CD109: variants seen among roughly 807,000 people sequenced by gnomAD.
CD109 encodes the protein CD109 antigen.
In CD109, 149 loss-of-function variants were observed where a neutral mutation model predicts 165.8. That is an observed-to-expected ratio of 0.90 (90% confidence interval 0.79 to 1.03). The LOEUF is 1.03. Ranked by LOEUF, CD109 falls within the 50% of genes least tolerant of loss-of-function variation. The probability of loss-of-function intolerance (pLI) is 0.00; values close to 1 mark genes in which losing one functional copy is unlikely to be tolerated. For missense variants in CD109, 1,712 were observed against 1,677.8 expected (o/e 1.02, Z -0.36); for synonymous variants, 585 against 592.1 (o/e 0.99, Z 0.18).
At chr6:73,719,544 A>G (rs1412585297) in intron 2 of CD109, among the ~76,000 whole-genome samples, 2 of 152,170 alleles carry the variant, frequency 1.3e-5, no homozygotes, top group Non-Finnish European at 2.9e-5. Flanking sequence ...TTCTTGTTGT[A>G]TTCAGTAGGT....
intron 11 of CD109, 137 bp downstream of exon 11, chr6:73,766,291 G>C (rs2150229345): frequency 1.4e-6 from 1 of 703,494 alleles, no homozygotes; most frequent in Non-Finnish European, 2.3e-6. Context: ...ATGGAGGAGA[G>C]TGGTAAAAGT....
At chr6:73,791,477 ACG>A (rs1774964973) in intron 22 of CD109, among the ~76,000 whole-genome samples, 1 of 151,768 alleles carries the variant, frequency 6.6e-6, no homozygotes, top group African/African-American at 2.4e-5. Flanking sequence ...ACACACACAC[ACG>A]CACACATATA....
Position 73,812,294 on chromosome 6 carries a change from T to A in CD109, c.3768+24T>A, listed in dbSNP as rs760667869. On this transcript the variant is annotated intron_variant, in intron 29 of 32. Transcript: ENST00000287097. ...AGGTATGTAACGATGCTTATTTTTTTAAGTTAAATATGACTTTTTATAATA... is the reference window on the plus strand; with the variant it reads ...AGGTATGTAACGATGCTTATTTTTTAAAGTTAAATATGACTTTTTATAATA... 16 of 1,470,362 alleles carry A rather than the reference T, an allele frequency of 1.1e-5. No individual in the cohort carries two copies. In the South Asian group the frequency reaches 1.3e-4, roughly 12 times the overall value. 91.1% of individuals were successfully genotyped at this position (1,470,362 alleles called of 1,614,324 possible).
intron 22 of CD109, among the ~76,000 whole-genome samples, chr6:73,791,176 T>TATATAC (rs1251422367): frequency 9.5e-4 from 23 of 24,142 alleles, no homozygotes; most frequent in Non-Finnish European, 1.6e-3. Context: ...TATATATATA[T>TATATAC]ACACACACAC....
chr6:73,813,201 G>A (rs1328678553), intron 29 of CD109, among the ~76,000 whole-genome samples: 2 of 152,118 alleles, frequency 1.3e-5, no homozygotes, highest in Non-Finnish European at 2.9e-5. Flanking sequence ...GAAAAGGTCA[G>A]AAAGAGAAAG....
At chr6:73,772,460 C>T (rs914173633) in intron 15 of CD109, among the ~76,000 whole-genome samples, 7 of 141,684 alleles carry the variant, frequency 4.9e-5, no homozygotes, top group African/African-American at 8.0e-5. Context: ...GAGCAGAAAT[C>T]GTGCCACTGC....
rs1369823487 is a variant in CD109 at position 73,767,067 on chromosome 6, C to T, written c.1497+57C>T. Reference sequence around the variant, plus strand: ...TATTATAGAATCATCTTTTTATTCACTTTTAAGTTCTGGGGTACATGTGCA... The same window carrying T: ...TATTATAGAATCATCTTTTTATTCATTTTTAAGTTCTGGGGTACATGTGCA... On this transcript the variant is annotated intron_variant, in intron 13 of 32. Transcript: ENST00000287097. The T allele has an allele frequency of 2.1e-6, 3 of 1,462,012 alleles. No individual in the cohort carries two copies. The Admixed American group carries it at 5.4e-5, about 26-fold the overall frequency. 90.6% of individuals were successfully genotyped at this position (1,462,012 alleles called of 1,614,324 possible).
intron 5 of CD109, among the ~76,000 whole-genome samples, chr6:73,745,431 C>T (rs1331957031): frequency 6.6e-6 from 1 of 152,118 alleles, no homozygotes; most frequent in Non-Finnish European, 1.5e-5. Context: ...ATATGGCCTC[C>T]TTTTAAGGTT....
intron 6 of CD109, 106 bp downstream of exon 6, chr6:73,756,788 G>T (rs1430154233): frequency 5.3e-6 from 4 of 752,830 alleles, no homozygotes; most frequent in Admixed American, 3.2e-5. Flanking sequence ...AATCTCAATG[G>T]AGTTAAAATT....
At chr6:73,787,585 T>G (rs902531931) in intron 21 of CD109, 133 bp downstream of exon 21, 1 of 629,436 alleles carries the variant, frequency 1.6e-6, no homozygotes, top group African/African-American at 1.8e-5. Context: ...TAATGCCTAA[T>G]CACTTTCTAA....
At chr6:73,794,324 T>C (rs1422260745) in intron 23 of CD109, among the ~76,000 whole-genome samples, 1 of 152,220 alleles carries the variant, frequency 6.6e-6, no homozygotes, top group African/African-American at 2.4e-5. Flanking sequence ...TGCAGTGTTC[T>C]CTGGTTTTTA....
chr6:73,816,239 T>C (rs1775932977), intron 30 of CD109, among the ~76,000 whole-genome samples: 1 of 152,226 alleles, frequency 6.6e-6, no homozygotes, highest in African/African-American at 2.4e-5. Flanking sequence ...TGTGTTGGCA[T>C]CCTTTTCAGC....
At position 73,711,801 on chromosome 6, in the gene CD109, TGCTGGG is replaced by T. The variant is rs1771547304; in HGVS notation, c.248-11449_248-11444del. Among the ~76,000 whole-genome samples, 2 of 6,430 alleles carry T rather than the reference TGCTGGG, an allele frequency of 3.1e-4. 1 individual carries two copies. The highest frequency in any genetic ancestry group is 3.1e-3 in the Non-Finnish European group (2 of 650). 4.2% of individuals were successfully genotyped at this position (6,430 alleles called of 152,430 possible). ...ATCCGCCCGCCTCGGCCTCCCAAAG[TGCTGGG>T]ATTACAGGCGTGAGCCACCGCGCCC... On this transcript the variant is annotated intron_variant, in intron 2 of 32. Transcript: ENST00000287097.
the CD109 span, among the ~76,000 whole-genome samples, chr6:73,684,612 A>G: frequency 6.6e-6 from 1 of 152,026 alleles, no homozygotes; most frequent in African/African-American, 2.4e-5. Context: ...GATTAGTGGT[A>G]TTGAACATTT....
Position 73,766,017 on chromosome 6 carries a change from A to G in CD109, c.1195A>G (p.Thr399Ala), listed in dbSNP as rs780273046. The change falls in exon 11 of 33, where the codon ACT becomes GCT. Residue 399 changes from threonine to alanine, a missense_variant. Physicochemically the swap from Thr to Ala is moderately conservative, Grantham distance 58. Transcript: ENST00000287097. ...CATAACAGTGACACAGAGAAACTAT[A>G]CTGAGTACTGGAGCGGATCTAACAG... is the stretch of plus-strand genomic sequence containing the variant. ...VVITVTQRNY[T>A]EYWSGSNSGN... 1.9e-6 allele frequency: 3 copies of G among 1,613,886 alleles called. No individual in the cohort carries two copies. The highest frequency in any genetic ancestry group is 3.3e-5 in the Admixed American group (2 of 59,990).
chr6:73,729,803 C>T (rs1022154330), intron 3 of CD109, among the ~76,000 whole-genome samples: 3 of 151,950 alleles, frequency 2.0e-5, no homozygotes, highest in African/African-American at 4.8e-5. Flanking sequence ...TGTGAGTTAA[C>T]GTGCCTGGGA....
chr6:73,692,011 A>G (rs1409344515), upstream of CD109, among the ~76,000 whole-genome samples: 1 of 151,206 alleles, frequency 6.6e-6, no homozygotes, highest in Non-Finnish European at 1.5e-5. Context: ...GGCTCGTGGT[A>G]TCTTACATGG....
intron 31 of CD109, among the ~76,000 whole-genome samples, chr6:73,819,716 C>T (rs568238196): frequency 2.6e-5 from 4 of 152,138 alleles, no homozygotes; most frequent in Non-Finnish European, 5.9e-5. Flanking sequence ...TAGGAATTAT[C>T]TTACATTAAG....
chr6:73,778,349 T>C (rs1173222456), intron 15 of CD109, among the ~76,000 whole-genome samples: 1 of 152,228 alleles, frequency 6.6e-6, no homozygotes, highest in Non-Finnish European at 1.5e-5. Context: ...ACAGGGATAG[T>C]TTGACTTCCT....
Sources: allele counts gnomAD v4.1 joint callset (sites outside exome capture counted in the v4.1 genomes callset), GRCh38; gene constraint gnomAD v4.1.1; transcripts MANE v1.5; gene names NCBI Gene and HGNC (gene_info 2026-07-23, HGNC 2026-07-21).